Variants in NOBOX observed in about 807,000 individuals in gnomAD.
The protein encoded by NOBOX is homeobox protein NOBOX.
Under a neutral mutation model 60.2 loss-of-function variants are expected in NOBOX, and 46 were observed. The observed-to-expected ratio is 0.76, with a 90% CI of 0.60 to 0.98. NOBOX has a LOEUF of 0.98. NOBOX is among the 50% of genes least tolerant of loss of function. The pLI, the probability that NOBOX is intolerant of heterozygous loss-of-function variation, is 0.00. For missense variants in NOBOX, 880 were observed against 865.5 expected (o/e 1.02, Z -0.21); for synonymous variants, 360 against 346.3 (o/e 1.04, Z -0.44).
Position 144,399,846 on chromosome 7 carries a change from G to A in NOBOX, c.1065C>T (p.Arg355=), listed in dbSNP as rs778923442. 1.2e-6 allele frequency: 2 copies of A among 1,611,898 alleles called. No individual in the cohort carries two copies. The highest frequency in any genetic ancestry group is 4.5e-5 in the East Asian group (2 of 44,782). ...TCTCCATTTTTCGCCACTTGGCCCG[G>A]CGATTCTGGAACCACACCTATGGGG... Residue 355 remains arginine (R), a synonymous_variant, in exon 6 of 10, where the codon CGC becomes CGT. Coordinates refer to ENST00000467773, the MANE Select transcript of NOBOX (RefSeq NM_001080413.3).
intron 8 of NOBOX, 53 bp from the exon 7 acceptor site, chr7:144,398,639 T>G: frequency 7.9e-7 from 1 of 1,263,314 alleles, no homozygotes; most frequent in Non-Finnish European, 1.1e-6. Context: ...GAGCTCCCCG[T>G]TCCTACCACA....
At position 144,399,388 on chromosome 7, in the gene NOBOX, G is replaced by A. The variant is rs2053919935; in HGVS notation, c.1240+9C>T. On this transcript the variant is annotated intron_variant, in intron 7 of 9. Transcript: ENST00000467773. ...CCATTTTCCCCCAGCTCTGAAGGTG[G>A]GAACTCACCTGGAAAGGTATCCAGA... 6.4e-7 allele frequency: 1 copy of A among 1,562,384 alleles called. No individual in the cohort carries two copies. The highest frequency in any genetic ancestry group is 1.4e-5 in the African/African-American group (1 of 73,934).
At position 144,398,271 on chromosome 7, in the gene NOBOX, C is replaced by T. The variant is rs749434230; in HGVS notation, c.1774+11G>A. On this transcript the variant is annotated intron_variant, in intron 9 of 9. Coordinates refer to ENST00000467773, the MANE Select transcript of NOBOX (RefSeq NM_001080413.3). ...ATCTCAAGGGGACCTTCTCTCCCAG[C>T]CTCAACTCACCTATATTCCCAGCAG... 9 of 1,536,774 alleles carry T rather than the reference C, an allele frequency of 5.9e-6. No individual in the cohort carries two copies. Among genetic ancestry groups the T allele is most frequent in the Middle Eastern group, 3.4e-4 (2 of 5,860 alleles).
rs1224579693 is a variant in NOBOX, at chr7:144,401,812, T to G, written c.292+57A>C. ...ACTTCTTTGAAAAATGTAGACAAAT[T>G]TATGCAATTCTGAGACGGCGTTAGC... On this transcript the variant is annotated intron_variant, in intron 3 of 9. Coordinates refer to ENST00000467773, the MANE Select transcript of NOBOX (RefSeq NM_001080413.3). This position sits in a 1 kb window ranked among gnomAD's most constrained non-coding sequence, Gnocchi z 4.2. The G allele has an allele frequency of 9.4e-6, 12 of 1,281,878 alleles. No individual in the cohort carries two copies. Among genetic ancestry groups the G allele is most frequent in the Non-Finnish European group, 1.2e-5 (11 of 892,842 alleles). 79.4% of individuals were successfully genotyped at this position (1,281,878 alleles called of 1,614,324 possible). A position where few individuals can be genotyped will look rare whatever the true frequency, so the allele number is the denominator to read the frequency against.
rs529014652 is a variant in NOBOX at position 144,410,191 on chromosome 7, C to T, written c.37G>A (p.Glu13Lys). 7.6e-6 allele frequency: 12 copies of T among 1,571,350 alleles called. No homozygotes were observed. In the South Asian group the frequency reaches 1.3e-4, roughly 17 times the overall value. Reference sequence around the variant, plus strand: ...TTGTCTCTGGTGTCCCAGGTACCCTCCAGGTCTGGTGATGTTAGTGTCAAA... The same window carrying T: ...TTGTCTCTGGTGTCCCAGGTACCCTTCAGGTCTGGTGATGTTAGTGTCAAA... Residue 13 changes from glutamate (E) to lysine (K), a missense_variant, in exon 1 of 10, where the codon GAG (glutamate) becomes AAG (lysine). Transcript: ENST00000467773.
At chr7:144,405,176 C>T (rs1176699712) in intron 1 of NOBOX, among the ~76,000 whole-genome samples, 1 of 152,214 alleles carries the variant, frequency 6.6e-6, no homozygotes, top group African/African-American at 2.4e-5. Flanking sequence ...CTGTTTCATT[C>T]TGATGCCTTC....
chr7:144,401,309 A>T lies in NOBOX; in HGVS notation c.581T>A (p.Ile194Lys), dbSNP rs1274704430. The T allele has an allele frequency of 6.2e-7, 1 of 1,613,610 alleles. No homozygotes were observed. The highest frequency in any genetic ancestry group is 1.3e-5 in the African/African-American group (1 of 75,040). ...GGCTGGAGAATAGGACCTCTTTCCT[A>T]TCTTCACCTCTCCCACTGGGAGGGA... is the stretch of plus-strand genomic sequence containing the variant. The change falls in exon 4 of 10, where the codon ATA (isoleucine) becomes AAA (lysine). Residue 194 changes from isoleucine to lysine, a missense_variant. Coordinates refer to ENST00000467773, the MANE Select transcript of NOBOX (RefSeq NM_001080413.3). The surrounding 1 kb of genome is among the most constrained non-coding windows in gnomAD (Gnocchi z 4.2).
rs891447943 is a variant in NOBOX at position 144,397,402 on chromosome 7, G to T, written c.1914C>A (p.Gly638=). 6.5e-7 allele frequency: 1 copy of T among 1,537,126 alleles called. No homozygotes were observed. Among genetic ancestry groups the T allele is most frequent in the Non-Finnish European group, 8.7e-7 (1 of 1,146,910 alleles). Reference sequence around the variant, plus strand: ...ATGAGAGAGCTGACGAAGGCTGCCTGCCCAGAGCCTGGGGGCAGGGAGTTG... The same window carrying T: ...ATGAGAGAGCTGACGAAGGCTGCCTTCCCAGAGCCTGGGGGCAGGGAGTTG... The change falls in exon 10 of 10, where the codon GGC becomes GGA. Residue 638 remains glycine (G), a synonymous_variant. Transcript: ENST00000467773.
rs374254197 is a variant in NOBOX at position 144,399,773 on chromosome 7, C to T, written c.1138G>A (p.Ala380Thr). 3.7e-6 allele frequency: 6 copies of T among 1,611,800 alleles called. No homozygotes were observed. Among genetic ancestry groups the T allele is most frequent in the Non-Finnish European group, 4.2e-6 (5 of 1,178,786 alleles). The stretch of plus-strand genomic sequence containing the variant: ...AATTCTGACCTGCATTGACTGCTGG[C>T]AGGGCCAGGGGCTGCAGGATTGTCC... Residue 380 changes from alanine to threonine, a missense_variant, in exon 6 of 10, where the codon GCC becomes ACC. Ala to Thr is a moderately conservative substitution (Grantham distance 58, BLOSUM62 0). Transcript: ENST00000467773.
Position 144,399,142 on chromosome 7 carries a change from G to A in NOBOX, c.1277C>T (p.Ala426Val), listed in dbSNP as rs747720536. 1.9e-6 allele frequency: 3 copies of A among 1,568,186 alleles called. No homozygotes were observed. The highest frequency in any genetic ancestry group is 2.3e-5 in the South Asian group (2 of 86,734). The change falls in exon 8 of 10, where the codon GCC becomes GTC. Residue 426 changes from alanine (A) to valine (V), a missense_variant. By Grantham distance (64) the Ala-to-Val change is moderately conservative. Transcript: ENST00000467773. ...AGCACCCTCACTGGGTTGGGTGGGG[G>A]CCAAAGTCTGGTCAGAAGTCAGCAG... is the stretch of plus-strand genomic sequence containing the variant.
intron 4 of NOBOX, among the ~76,000 whole-genome samples, chr7:144,400,817 C>T (rs1278518237): frequency 1.3e-5 from 2 of 152,196 alleles, no homozygotes; most frequent in Admixed American, 6.5e-5. Context: ...GGATTACAGG[C>T]ATGAGCCACT....
At position 144,398,931 on chromosome 7, in the gene NOBOX, A is replaced by AC. The variant is rs750684346; in HGVS notation, c.1469+18dup. The AC allele has an allele frequency of 6.4e-6, 9 of 1,398,788 alleles. No individual in the cohort carries two copies. The highest frequency in any genetic ancestry group is 2.0e-5 in the Admixed American group (1 of 50,744). 86.6% of individuals were successfully genotyped at this position (1,398,788 alleles called of 1,614,324 possible). A position where few individuals can be genotyped will look rare whatever the true frequency, so the allele number is the denominator to read the frequency against. On this transcript the variant is annotated intron_variant, in intron 8 of 9. Coordinates refer to ENST00000467773, the MANE Select transcript of NOBOX (RefSeq NM_001080413.3). The stretch of plus-strand genomic sequence containing the variant: ...CCCACCCAGATAACTAGAGTGACCT[A>AC]CCCCCGTAGGTTCCTTACCTTGTCC...
intron 9 of NOBOX, among the ~76,000 whole-genome samples, chr7:144,397,859 G>A (rs2053905013): frequency 6.6e-6 from 1 of 152,122 alleles, no homozygotes; most frequent in African/African-American, 2.4e-5. Context: ...GTCTTAATAT[G>A]ACAGATGTTT....
rs779329205 is a variant in NOBOX, at chr7:144,400,162, C to G, written c.995G>C (p.Gly332Ala). The G allele has an allele frequency of 1.5e-5, 25 of 1,613,826 alleles. No individual in the cohort carries two copies. The highest frequency in any genetic ancestry group is 2.7e-5 in the African/African-American group (2 of 74,932). The change falls in exon 5 of 10, where the codon GGG (glycine) becomes GCG (alanine). Residue 332 changes from glycine to alanine, a missense_variant. Transcript: ENST00000467773. ...CAATTCGAGTGTTTCAATGGTGGGC[C>G]CTCCGCCACTCCACCCTGCCACCAG...
rs1217841282 is a variant in NOBOX, at chr7:144,401,249, A to C, written c.641T>G (p.Leu214Arg). Residue 214 changes from leucine to arginine, a missense_variant, in exon 4 of 10, where the codon CTG becomes CGG. Coordinates refer to ENST00000467773, the MANE Select transcript of NOBOX (RefSeq NM_001080413.3). This position sits in a 1 kb window ranked among gnomAD's most constrained non-coding sequence, Gnocchi z 4.2. ...GGCACCCGGAGATGATGTTGGGGCC[A>C]GACCCATGGCATTAGGCTTTTTCTG... The C allele has an allele frequency of 6.2e-7, 1 of 1,613,606 alleles. No individual in the cohort carries two copies. Among genetic ancestry groups the C allele is most frequent in the Admixed American group, 1.7e-5 (1 of 59,928 alleles).
intron 4 of NOBOX, 88 bp downstream of exon 2, chr7:144,400,958 G>T (rs1038206922): frequency 4.3e-5 from 50 of 1,154,444 alleles, no homozygotes; most frequent in Non-Finnish European, 7.0e-6. Flanking sequence ...CCATCCCTCA[G>T]GTCTCCTGGG....
At chr7:144,403,726 G>T in intron 2 of NOBOX, 33 bp from the exon 1 acceptor site, 2 of 699,146 alleles carry the variant, frequency 2.9e-6, no homozygotes. Flanking sequence ...GCCGGCCCGT[G>T]ATGCACAGGC....
In NOBOX at chr7:144,399,125, C is replaced by A; in HGVS notation, c.1294G>T (p.Glu432Ter). The A allele has an allele frequency of 6.3e-7, 1 of 1,575,040 alleles. No individual in the cohort carries two copies. The highest frequency in any genetic ancestry group is 8.7e-7 in the Non-Finnish European group (1 of 1,149,054). Reference sequence around the variant, plus strand: ...GGGGTCACCACCCTCTGAGCACCCTCACTGGGTTGGGTGGGGGCCAAAGTC... The same window carrying A: ...GGGGTCACCACCCTCTGAGCACCCTAACTGGGTTGGGTGGGGGCCAAAGTC... Residue 432 changes from glutamate to a stop codon, truncating the protein, a stop_gained, in exon 8 of 10, where the codon GAG becomes TAG. Coordinates refer to ENST00000467773, the MANE Select transcript of NOBOX (RefSeq NM_001080413.3). LOFTEE classifies it high-confidence loss of function.
chr7:144,397,645 C>G, intron 9 of NOBOX, 104 bp from the exon 8 acceptor site: 2 of 1,012,258 alleles, frequency 2.0e-6, no homozygotes, highest in South Asian at 3.4e-5. Context: ...CACACATAGA[C>G]GCAGCTTAGG....
Sources: gnomAD v4.1 joint callset for allele counts (sites outside exome capture counted in the v4.1 genomes callset) on GRCh38, gnomAD v4.1.1 for gene constraint, Gnocchi (gnomAD v3.1) non-coding constraint, MANE v1.5 for transcripts, NCBI Gene and HGNC (gene_info 2026-07-23, HGNC 2026-07-21) for gene names.